The following RUSC2 variants were observed in gnomAD, a reference collection of about 807,000 sequenced individuals.
The protein encoded by RUSC2 is RUN and SH3 domain containing 2.
In RUSC2, 34 loss-of-function variants were observed where a neutral mutation model predicts 122.2. The observed-to-expected ratio is 0.28, with a 90% confidence interval of 0.21 to 0.37. The LOEUF (loss-of-function observed/expected upper bound fraction) is 0.37, where lower values mean the gene tolerates loss of function less well. Among genes scored for constraint, RUSC2 ranks in the 10% least tolerant of loss-of-function variants. RUSC2 has a pLI of 1.00. For missense variants in RUSC2, 1,747 were observed against 1,952.4 expected, an observed-to-expected ratio of 0.89 and a Z score of 1.98; for synonymous variants, 784 against 790.0, an observed-to-expected ratio of 0.99 and a Z score of 0.13.
chr9:35,526,230 C>A (rs1821323521), intron 1 of RUSC2, among the ~76,000 whole-genome samples: 1 of 152,152 alleles, frequency 6.6e-6, no homozygotes, highest in Admixed American at 6.5e-5. Flanking sequence ...CTGGATCTCT[C>A]TATTGCTTAT....
intron 1 of RUSC2, among the ~76,000 whole-genome samples, chr9:35,501,910 C>T (rs1372156047): frequency 2.0e-5 from 3 of 152,074 alleles, no homozygotes; most frequent in Middle Eastern, 3.4e-3. Context: ...TTTTTCTAGC[C>T]ATGCTTTCTA....
chr9:35,499,018 G>A (rs951121788), intron 1 of RUSC2, among the ~76,000 whole-genome samples: 7 of 152,110 alleles, frequency 4.6e-5, no homozygotes, highest in South Asian at 2.1e-4. Flanking sequence ...CAGGCGTGGC[G>A]GCTTATGCCT....
chr9:35,517,720 G>A (rs1272843204), intron 1 of RUSC2, among the ~76,000 whole-genome samples: 5 of 152,156 alleles, frequency 3.3e-5, no homozygotes, highest in African/African-American at 1.2e-4. Context: ...GGCACAGACT[G>A]GGCCTATTTC....
At chr9:35,520,872 T>G (rs1449723772) in intron 1 of RUSC2, among the ~76,000 whole-genome samples, 1 of 152,164 alleles carries the variant, frequency 6.6e-6, no homozygotes, top group Non-Finnish European at 1.5e-5. Flanking sequence ...TTGAGAGACT[T>G]TAGCCTGTGG....
In RUSC2 at chr9:35,558,614, C is replaced by T. The variant is rs377525885; in HGVS notation, c.3341+47C>T. 1.1e-4 allele frequency: 168 copies of T among 1,476,654 alleles called. No homozygotes were observed. The highest frequency in any genetic ancestry group is 1.5e-4 in the Non-Finnish European group (163 of 1,055,624). The allele number at this position is 1,476,654 out of a possible 1,614,324, so 91.5% of individuals were successfully genotyped here. ...ATCCCCTAAACAACTTGCCCTGCCCCCCACCCCCGGGCTCTGCCTGCACCA... is the reference window on the plus strand; with the variant it reads ...ATCCCCTAAACAACTTGCCCTGCCCTCCACCCCCGGGCTCTGCCTGCACCA... On this transcript the variant is annotated intron_variant, in intron 8 of 11. Transcript: ENST00000361226. The surrounding 1 kb of genome is among the most constrained non-coding windows in gnomAD (Gnocchi z 4.3).
chr9:35,539,936 A>G (rs1821609597), intron 1 of RUSC2, among the ~76,000 whole-genome samples: 1 of 152,188 alleles, frequency 6.6e-6, no homozygotes, highest in African/African-American at 2.4e-5. Flanking sequence ...ATTGAAGACC[A>G]TTGTGTTCCC....
intron 2 of RUSC2, among the ~76,000 whole-genome samples, chr9:35,549,617 A>G (rs924949119): frequency 6.6e-6 from 1 of 152,244 alleles, no homozygotes; most frequent in Non-Finnish European, 1.5e-5. Context: ...ATTTAAGCCC[A>G]ATCTAGAAAG....
rs1200349342 is a variant in RUSC2 at position 35,556,331 on chromosome 9, C to T, written c.2866C>T (p.Leu956=). 6.2e-7 allele frequency: 1 copy of T among 1,614,116 alleles called. No individual in the cohort carries two copies. Among genetic ancestry groups the T allele is most frequent in the Non-Finnish European group, 8.5e-7 (1 of 1,180,040 alleles). ...AGGCCAAGCAGTGAAGCCGTTACCA[C>T]TGACCTGCCCTGACTTCCAGGACCC... The part of the protein sequence containing the change: ...LNGQAVKPLP[L]TCPDFQDPFS... The change falls in exon 5 of 12, where the codon CTG becomes TTG. Residue 956 remains leucine, a synonymous_variant. Coordinates refer to ENST00000361226, the MANE Select transcript of RUSC2 (RefSeq NM_014806.5).
chr9:35,550,224 A>T (rs990886940), intron 2 of RUSC2, among the ~76,000 whole-genome samples: 48 of 151,876 alleles, frequency 3.2e-4, no homozygotes, highest in African/African-American at 1.1e-3. Context: ...AAAAAAAAAA[A>T]AGTAATTGGA....
Position 35,558,036 on chromosome 9 carries a change from A to G in RUSC2, c.3060+46A>G. On this transcript the variant is annotated intron_variant, in intron 6 of 11. Coordinates refer to ENST00000361226, the MANE Select transcript of RUSC2 (RefSeq NM_014806.5). This position sits in a 1 kb window ranked among gnomAD's most constrained non-coding sequence, Gnocchi z 4.3. ...AGCTGAGCTCTGCCTGCAAGCCCTC[A>G]CCTGTCCCGCGCTACCACCTTCCCT... is the stretch of plus-strand genomic sequence containing the variant. 6.3e-7 allele frequency: 1 copy of G among 1,595,212 alleles called. No individual in the cohort carries two copies. Among genetic ancestry groups the G allele is most frequent in the Non-Finnish European group, 8.6e-7 (1 of 1,163,024 alleles).
At position 35,560,140 on chromosome 9, in the gene RUSC2, C is replaced by G; in HGVS notation, c.3500C>G (p.Pro1167Arg). ...LLLLQPLALLPFSLDLLFQHR... is the reference protein window; with the variant it reads ...LLLLQPLALLRFSLDLLFQHR... ...CTGCTACAGCCCCTGGCCCTGCTGC[C>G]CTTCAGCCTCGACTTGCTGTTCCAG... Residue 1167 changes from proline to arginine, a missense_variant, in exon 10 of 12, where the codon CCC (proline) becomes CGC (arginine). By Grantham distance (103) the Pro-to-Arg change is moderately radical. Coordinates refer to ENST00000361226, the MANE Select transcript of RUSC2 (RefSeq NM_014806.5). 6.2e-7 allele frequency: 1 copy of G among 1,610,440 alleles called. No homozygotes were observed. Among genetic ancestry groups the G allele is most frequent in the Non-Finnish European group, 8.5e-7 (1 of 1,179,968 alleles).
In RUSC2 at chr9:35,556,444, A is replaced by G; in HGVS notation, c.2979A>G (p.Lys993=). ...SEAISIDLLQ[K]KGLVKAVNIA... is the part of the protein sequence containing the mutation. The stretch of plus-strand genomic sequence containing the variant: ...CCATTTCCATTGACCTGCTTCAGAA[A>G]AAAGGTGCATACAACCCCCAGCTCA... The change falls in exon 5 of 12, where the codon AAA becomes AAG. Residue 993 remains lysine, a synonymous_variant. Transcript: ENST00000361226. 2 of 1,613,992 alleles carry G rather than the reference A, an allele frequency of 1.2e-6. No homozygotes were observed. The highest frequency in any genetic ancestry group is 1.7e-6 in the Non-Finnish European group (2 of 1,179,934).
intron 1 of RUSC2, among the ~76,000 whole-genome samples, chr9:35,543,761 G>A (rs925659865): frequency 2.0e-5 from 3 of 152,096 alleles, no homozygotes; most frequent in African/African-American, 7.2e-5. Context: ...GAGCCACCAC[G>A]CCTGGCCTGA....
chr9:35,547,627 A>T lies in RUSC2; in HGVS notation c.1106A>T (p.His369Leu). Residue 369 changes from histidine to leucine, a missense_variant, in exon 2 of 12, where the codon CAC (histidine) becomes CTC (leucine). Transcript: ENST00000361226. The surrounding 1 kb of genome is among the most constrained non-coding windows in gnomAD (Gnocchi z 4.6). ...LDANCNSYRP[H>L]CEPCPAVADL... ...GCCAACTGCAACTCCTACCGCCCACACTGTGAGCCGTGCCCAGCAGTGGCT... is the reference window on the plus strand; with the variant it reads ...GCCAACTGCAACTCCTACCGCCCACTCTGTGAGCCGTGCCCAGCAGTGGCT... The T allele has an allele frequency of 6.2e-7, 1 of 1,614,110 alleles. No homozygotes were observed. Among genetic ancestry groups the T allele is most frequent in the Non-Finnish European group, 8.5e-7 (1 of 1,180,026 alleles).
At position 35,557,724 on chromosome 9, in the gene RUSC2, C is replaced by G. The variant is rs1822052916; in HGVS notation, c.2984-190C>G. On this transcript the variant is annotated intron_variant, in intron 5 of 11. Transcript: ENST00000361226. The surrounding 1 kb of genome is among the most constrained non-coding windows in gnomAD (Gnocchi z 4.6). ...GTAGCTCCAGGCTGGGAAGTAAAGA[C>G]AGGAAGAGCTTAAGAACTGGGCAGA... Among the ~76,000 whole-genome samples the G allele has an allele frequency of 6.6e-6, 1 of 152,172 alleles. No individual in the cohort carries two copies. The highest frequency in any genetic ancestry group is 1.5e-5 in the Non-Finnish European group (1 of 68,046).
rs1822173881 is a variant in RUSC2, at chr9:35,561,451, C to T, written c.*69C>T. 1 of 1,356,288 alleles carries T rather than the reference C, an allele frequency of 7.4e-7. No individual in the cohort carries two copies. The highest frequency in any genetic ancestry group is 1.0e-6 in the Non-Finnish European group (1 of 984,866). 84.0% of individuals were successfully genotyped at this position (1,356,288 alleles called of 1,614,324 possible). ...AGACTCAGAGCCCGAGAGCCCTTCC[C>T]AAGCCATTGGCTTGGCTGCAGAGTA... On this transcript the variant is annotated 3_prime_UTR_variant, in exon 12 of 12. Transcript: ENST00000361226.
At chr9:35,556,987 C>A (rs1186987298) in intron 5 of RUSC2, among the ~76,000 whole-genome samples, 1 of 152,150 alleles carries the variant, frequency 6.6e-6, no homozygotes. Context: ...CGGTCCCTTC[C>A]TGCAGTGAGC....
chr9:35,538,736 C>G (rs1387653792), intron 1 of RUSC2: 1 of 152,558 alleles, frequency 6.6e-6, no homozygotes, highest in Non-Finnish European at 1.5e-5. Context: ...TGACTGCCCT[C>G]TGTGGCTGGC....
Position 35,561,526 on chromosome 9 carries a change from CTCAG to C in RUSC2, c.*146_*149del, listed in dbSNP as rs1354052417. The C allele has an allele frequency of 7.5e-6, 5 of 671,036 alleles. No homozygotes were observed. Among genetic ancestry groups the C allele is most frequent in the Non-Finnish European group, 1.0e-5 (4 of 394,644 alleles). The allele number at this position is 671,036 out of a possible 1,614,324, so 41.6% of individuals were successfully genotyped here. ...CCTGTGCTGGCACCTGCTCCCTGTG[CTCAG>C]TATTAATTACGCCCCCTTAACTGTC... is the stretch of plus-strand genomic sequence containing the variant. On this transcript the variant is annotated 3_prime_UTR_variant, in exon 12 of 12. Transcript: ENST00000361226.
Sources: allele counts gnomAD v4.1 joint callset (sites outside exome capture counted in the v4.1 genomes callset), GRCh38; gene constraint gnomAD v4.1.1; non-coding constraint Gnocchi (gnomAD v3.1); transcripts MANE v1.5; gene names NCBI Gene and HGNC (gene_info 2026-07-23, HGNC 2026-07-21).